The following TBCD variants were observed in gnomAD, a reference collection of about 807,000 sequenced individuals.
TBCD encodes the protein tubulin-specific chaperone D.
Under a neutral mutation model 169.3 loss-of-function variants are expected in TBCD, and 105 were observed. The observed-to-expected ratio is 0.62, with a 90% confidence interval of 0.53 to 0.73. The LOEUF (loss-of-function observed/expected upper bound fraction) is 0.73. TBCD is among the 30% of genes least tolerant of loss of function. TBCD has a pLI of 0.00. For synonymous variants in TBCD, 700 were observed against 643.9 expected, an observed-to-expected ratio of 1.09 and a Z score of -1.32; for missense variants, 1,444 against 1,600.1, an observed-to-expected ratio of 0.90 and a Z score of 1.66.
intron 13 of TBCD, among the ~76,000 whole-genome samples, chr17:82,837,484 G>A (rs1034032290): frequency 1.3e-5 from 2 of 152,182 alleles, no homozygotes; most frequent in Non-Finnish European, 2.9e-5. Context: ...AGTGCGGAGC[G>A]TCTTTCTCTC....
rs1295467085 is a variant in TBCD at position 82,942,960 on chromosome 17, G to GAC, written c.*498_*499insCA. 5.3e-6 allele frequency: 1 copy of GAC among 190,048 alleles called. No homozygotes were observed. The highest frequency in any genetic ancestry group is 2.4e-5 in the African/African-American group (1 of 42,048). 11.8% of individuals were successfully genotyped at this position (190,048 alleles called of 1,614,324 possible). A position where few individuals can be genotyped will look rare whatever the true frequency, so the allele number is the denominator to read the frequency against. On this transcript the variant is annotated 3_prime_UTR_variant, in exon 39 of 39. Transcript: ENST00000355528. ...AAGCCCTGGTGGCAGGCATGGTCTG[G>GAC]AGTGCTGGGCAGATGCTGTTTCTGG...
At chr17:82,894,673 T>G (rs571721513) in intron 17 of TBCD, among the ~76,000 whole-genome samples, 1 of 152,334 alleles carries the variant, frequency 6.6e-6, no homozygotes, top group African/African-American at 2.4e-5. Context: ...CTATTAATAC[T>G]TGGCCATATA....
chr17:82,832,192 G>A lies in TBCD; in HGVS notation c.1318+17258G>A. On this transcript the variant is annotated intron_variant, in intron 13 of 38. Coordinates refer to ENST00000355528, the MANE Select transcript of TBCD (RefSeq NM_005993.5). This position sits in a 1 kb window ranked among gnomAD's most constrained non-coding sequence, Gnocchi z 4.9. ...AGAGAGTCCATTTGCGACAGACTTGGAAGAGGCTGGCTTCGCCGTGGCATC... is the reference window on the plus strand; with the variant it reads ...AGAGAGTCCATTTGCGACAGACTTGAAAGAGGCTGGCTTCGCCGTGGCATC... 2 of 1,614,256 alleles carry A rather than the reference G, an allele frequency of 1.2e-6. No homozygotes were observed. The highest frequency in any genetic ancestry group is 2.2e-5 in the East Asian group (1 of 44,888).
chr17:82,788,252 A>G (rs2049450080), intron 7 of TBCD, among the ~76,000 whole-genome samples: 2 of 152,274 alleles, frequency 1.3e-5, no homozygotes, highest in African/African-American at 2.4e-5. Flanking sequence ...AAAATTTACA[A>G]AAAGGAAAAT....
chr17:82,816,541 C>CTT (rs969923350), intron 13 of TBCD, among the ~76,000 whole-genome samples: 1 of 147,196 alleles, frequency 6.8e-6, no homozygotes, highest in Non-Finnish European at 1.5e-5. Context: ...TTGCTTTTAT[C>CTT]TTTTTTTTTT....
At chr17:82,799,510 T>G (rs2050346730) in intron 8 of TBCD, among the ~76,000 whole-genome samples, 1 of 151,816 alleles carries the variant, frequency 6.6e-6, no homozygotes, top group African/African-American at 2.4e-5. Flanking sequence ...TTTTTGAAAG[T>G]TTTTCATTAT....
chr17:82,818,424 TG>T (rs1426890485), intron 13 of TBCD, among the ~76,000 whole-genome samples: 4 of 152,220 alleles, frequency 2.6e-5, no homozygotes, highest in Admixed American at 2.6e-4. Flanking sequence ...TTTATGTTTT[TG>T]TTTTAGACCT....
Position 82,789,799 on chromosome 17 carries a change from T to C in TBCD, c.772-7958T>C, listed in dbSNP as rs1004630850. 6.6e-5 allele frequency among the ~76,000 whole-genome samples: 10 copies of C among 152,220 alleles called. No homozygotes were observed. Among genetic ancestry groups the C allele is most frequent in the African/African-American group, 2.4e-4 (10 of 41,458 alleles). Reference sequence around the variant, plus strand: ...GCCCTCCTTCTGTGGACCCGTTGGGTACACGTGTGACACTTCAGAACCCGC... The same window carrying C: ...GCCCTCCTTCTGTGGACCCGTTGGGCACACGTGTGACACTTCAGAACCCGC... On this transcript the variant is annotated intron_variant, in intron 7 of 38. Coordinates refer to ENST00000355528, the MANE Select transcript of TBCD (RefSeq NM_005993.5). This position sits in a 1 kb window ranked among gnomAD's most constrained non-coding sequence, Gnocchi z 4.8.
chr17:82,857,468 C>T (rs2056405794), intron 13 of TBCD, among the ~76,000 whole-genome samples: 1 of 151,928 alleles, frequency 6.6e-6, no homozygotes, highest in South Asian at 2.1e-4. Context: ...GTAAACATTT[C>T]ACCATTGTTT....
chr17:82,777,574 C>T (rs1276660657), intron 6 of TBCD, among the ~76,000 whole-genome samples: 1 of 152,218 alleles, frequency 6.6e-6, no homozygotes, highest in Admixed American at 6.5e-5. Flanking sequence ...CCCTGCCTGG[C>T]AGCCGAGGCA....
Position 82,752,076 on chromosome 17 carries a change from T to C in TBCD, c.-118T>C, listed in dbSNP as rs2047126955. On this transcript the variant is annotated 5_prime_UTR_variant, in exon 1 of 39. Coordinates refer to ENST00000355528, the MANE Select transcript of TBCD (RefSeq NM_005993.5). The stretch of plus-strand genomic sequence containing the variant: ...GGTCGCGGGGCGGGGCCAGCGTCGG[T>C]TGCCGCCTTAGCGGGCGCCTCCTTT... The C allele has an allele frequency of 7.5e-6, 9 of 1,192,392 alleles. No individual in the cohort carries two copies. In the South Asian group the frequency reaches 1.4e-4, roughly 19 times the overall value. The allele number at this position is 1,192,392 out of a possible 1,614,324, so 73.9% of individuals were successfully genotyped here.
At chr17:82,883,058 T>C (rs1418877777) in intron 14 of TBCD, among the ~76,000 whole-genome samples, 1 of 3,104 alleles carries the variant, frequency 3.2e-4, no homozygotes, top group African/African-American at 4.9e-4. Flanking sequence ...CTTTCACATT[T>C]AGCTTAACAG....
At chr17:82,932,408 C>T (rs1260164867) in intron 33 of TBCD, among the ~76,000 whole-genome samples, 3 of 152,348 alleles carry the variant, frequency 2.0e-5, no homozygotes, top group African/African-American at 4.8e-5. Context: ...GTGTTTGCTT[C>T]ACTTTGCACC....
intron 2 of TBCD, among the ~76,000 whole-genome samples, chr17:82,763,250 A>C (rs75598737): frequency 0.097 from 14,808 of 152,250 alleles, 993 homozygotes; most frequent in South Asian, 0.29. Flanking sequence ...TTAAGTCTTC[A>C]TGATGAATTG....
intron 13 of TBCD, among the ~76,000 whole-genome samples, chr17:82,817,780 A>G (rs2052050505): frequency 6.6e-6 from 1 of 152,154 alleles, no homozygotes; most frequent in African/African-American, 2.4e-5. Flanking sequence ...CCAGGTTTTA[A>G]ATTTTAATTA....
intron 2 of TBCD, 127 bp downstream of exon 2, chr17:82,756,342 G>C (rs181803075): frequency 7.4e-4 from 756 of 1,018,674 alleles, no homozygotes; most frequent in Non-Finnish European, 1.0e-3. Context: ...TGTCTTGCTT[G>C]CCTGGCTGGT....
At chr17:82,924,323 G>A (rs2147204380) in intron 26 of TBCD, among the ~76,000 whole-genome samples, 1 of 152,270 alleles carries the variant, frequency 6.6e-6, no homozygotes, top group Admixed American at 6.5e-5. Context: ...AATACATTTT[G>A]CTGTTTTTTC....
chr17:82,784,134 C>T (rs2049136401), intron 7 of TBCD, among the ~76,000 whole-genome samples: 1 of 151,716 alleles, frequency 6.6e-6, no homozygotes, highest in South Asian at 2.1e-4. Flanking sequence ...AAAAAAAAAA[C>T]AGAAAAAACA....
chr17:82,916,141 A>G (rs906841775), intron 23 of TBCD, among the ~76,000 whole-genome samples: 1 of 152,078 alleles, frequency 6.6e-6, no homozygotes, highest in Admixed American at 6.6e-5. Context: ...TCACCTTCTA[A>G]GAGGACCATT....
Sources: gnomAD v4.1 joint callset for allele counts (sites outside exome capture counted in the v4.1 genomes callset) on GRCh38, gnomAD v4.1.1 for gene constraint, Gnocchi (gnomAD v3.1) non-coding constraint, MANE v1.5 for transcripts, NCBI Gene and HGNC (gene_info 2026-07-23, HGNC 2026-07-21) for gene names.